Variants in NUDT6 observed in about 807,000 individuals in gnomAD.
NUDT6 encodes FAD diphosphatase NUDT6.
In NUDT6, 24 loss-of-function variants were observed where a neutral mutation model predicts 36.8. That is an observed-to-expected ratio of 0.65 (90% CI 0.47 to 0.92). The LOEUF is 0.92. Among genes scored for constraint, NUDT6 ranks in the 40% least tolerant of loss-of-function variants. NUDT6 has a pLI of 0.00. For missense variants in NUDT6, 388 were observed against 392.8 expected (o/e 0.99, Z 0.10); for synonymous variants, 163 against 157.0 (o/e 1.04, Z -0.29).
chr4:122,892,992 T>C lies in NUDT6; in HGVS notation c.787A>G (p.Ile263Val). 6.2e-7 allele frequency: 1 copy of C among 1,614,154 alleles called. No homozygotes were observed. Among genetic ancestry groups the C allele is most frequent in the Non-Finnish European group, 8.5e-7 (1 of 1,180,026 alleles). The change falls in exon 5 of 5, where the codon ATC (isoleucine) becomes GTC (valine). Residue 263 changes from isoleucine (I) to valine (V), a missense_variant. Ile to Val is a conservative substitution (Grantham distance 29). Transcript: ENST00000304430. ...DLAKTENTTP[I>V]TSRVARLLLY... is the part of the protein sequence containing the mutation. Reference sequence around the variant, plus strand: ...AGCAGCCTAGCAACTCTGCTGGTGATGGGAGTTGTATTTTCAGTCTTCGCC... The same window carrying C: ...AGCAGCCTAGCAACTCTGCTGGTGACGGGAGTTGTATTTTCAGTCTTCGCC...
intron 2 of NUDT6, 28 bp from the exon 3 acceptor site, chr4:122,912,651 G>A: frequency 7.3e-7 from 1 of 1,372,838 alleles, no homozygotes; most frequent in South Asian, 1.2e-5. Context: ...AAAGATAATT[G>A]AGAAATATTA....
chr4:122,913,950 T>C (rs1727780214), intron 2 of NUDT6, among the ~76,000 whole-genome samples: 1 of 152,194 alleles, frequency 6.6e-6, no homozygotes, highest in Admixed American at 6.5e-5. Context: ...CTTTCAGTAT[T>C]AACTGAGTTC....
At chr4:122,907,649 A>C (rs1046657988) in intron 3 of NUDT6, among the ~76,000 whole-genome samples, 4 of 151,440 alleles carry the variant, frequency 2.6e-5, no homozygotes, top group Admixed American at 1.3e-4. Context: ...ACAGGGTTTC[A>C]TGTGTTAGCC....
chr4:122,892,799 T>C lies in NUDT6; in HGVS notation c.*29A>G, dbSNP rs1472942037. 9 of 1,525,698 alleles carry C rather than the reference T, an allele frequency of 5.9e-6. No individual in the cohort carries two copies. Among genetic ancestry groups the C allele is most frequent in the African/African-American group, 1.4e-5 (1 of 72,404 alleles). The allele number at this position is 1,525,698 out of a possible 1,614,324, so 94.5% of individuals were successfully genotyped here. A position where few individuals can be genotyped will look rare whatever the true frequency, so the allele number is the denominator to read the frequency against. On this transcript the variant is annotated 3_prime_UTR_variant, in exon 5 of 5. Coordinates refer to ENST00000304430, the MANE Select transcript of NUDT6 (RefSeq NM_007083.5). Reference sequence around the variant, plus strand: ...CTATTTCTTATGTCATTCGTTAGTCTACATGTTTCTAAACATATAAATGTG... The same window carrying C: ...CTATTTCTTATGTCATTCGTTAGTCCACATGTTTCTAAACATATAAATGTG...
chr4:122,922,554 A>G lies in NUDT6; in HGVS notation c.19T>C (p.Trp7Arg), dbSNP rs565048284. Residue 7 changes from tryptophan (W) to arginine (R), a missense_variant, in exon 1 of 5, where the codon TGG becomes CGG. Physicochemically the swap from Trp to Arg is moderately radical, Grantham distance 101 (BLOSUM62 -3). Transcript: ENST00000304430. MRQPLS[W>R]GRWRAMLART... The stretch of plus-strand genomic sequence containing the variant: ...GCAAGCATCGCGCGCCAGCGGCCCC[A>G]GCTCAGTGGCTGCCGCATCTCCACG... 2 of 1,600,558 alleles carry G rather than the reference A, an allele frequency of 1.2e-6. No individual in the cohort carries two copies. Among genetic ancestry groups the G allele is most frequent in the South Asian group, 2.2e-5 (2 of 90,738 alleles).
At chr4:122,896,095 C>G (rs1727341664) in intron 4 of NUDT6, 1 of 152,418 alleles carries the variant, frequency 6.6e-6, no homozygotes. Flanking sequence ...TGGCTAATGC[C>G]AACGGCAGTT....
In NUDT6 at chr4:122,892,961, T is replaced by A; in HGVS notation, c.818A>T (p.Tyr273Phe). The part of the protein sequence containing the change: ...ITSRVARLLL[Y>F]GYREGFDKID... The stretch of plus-strand genomic sequence containing the variant: ...TTTGTCAAACCCTTCTCTGTACCCA[T>A]ACAGCAGCAGCCTAGCAACTCTGCT... The change falls in exon 5 of 5, where the codon TAT (tyrosine) becomes TTT (phenylalanine). Residue 273 changes from tyrosine (Y) to phenylalanine (F), a missense_variant. By Grantham distance (22) the Tyr-to-Phe change is conservative (BLOSUM62 3). Transcript: ENST00000304430. 1 of 1,614,202 alleles carries A rather than the reference T, an allele frequency of 6.2e-7. No individual in the cohort carries two copies. The highest frequency in any genetic ancestry group is 8.5e-7 in the Non-Finnish European group (1 of 1,180,028).
intron 3 of NUDT6, among the ~76,000 whole-genome samples, chr4:122,909,057 C>T (rs375420637): frequency 2.0e-5 from 3 of 149,202 alleles, no homozygotes; most frequent in East Asian, 2.1e-4. Flanking sequence ...ATCATCTCCC[C>T]GCCATCCCAG....
In NUDT6 at chr4:122,892,814, A is replaced by G. The variant is rs1409656208; in HGVS notation, c.*14T>C. On this transcript the variant is annotated 3_prime_UTR_variant, in exon 5 of 5. Transcript: ENST00000304430. The stretch of plus-strand genomic sequence containing the variant: ...TTCGTTAGTCTACATGTTTCTAAAC[A>G]TATAAATGTGAATTTAATCAATTCC... 1 of 1,573,238 alleles carries G rather than the reference A, an allele frequency of 6.4e-7. No homozygotes were observed. The highest frequency in any genetic ancestry group is 8.7e-7 in the Non-Finnish European group (1 of 1,154,126).
chr4:122,895,653 G>T (rs1727327125), intron 4 of NUDT6: 1 of 152,012 alleles, frequency 6.6e-6, no homozygotes, highest in Non-Finnish European at 1.5e-5. Context: ...TACTCTTAGG[G>T]TATTATTTTA....
At position 122,915,487 on chromosome 4, in the gene NUDT6, A is replaced by AAAAAAAAC. The variant is rs1560773929; in HGVS notation, c.442+2013_442+2014insGTTTTTTT. ...CCTGCCTCAAAAAAAAAAAAAAAAA[A>AAAAAAAAC]AAAAAAAAAAACAACTCTGCACCTT... is the stretch of plus-strand genomic sequence containing the variant. On this transcript the variant is annotated intron_variant, in intron 2 of 4. Coordinates refer to ENST00000304430, the MANE Select transcript of NUDT6 (RefSeq NM_007083.5). Among the ~76,000 whole-genome samples the AAAAAAAAC allele has an allele frequency of 4.8e-3, 674 of 139,506 alleles. 15 individuals carry two copies. Among genetic ancestry groups the AAAAAAAAC allele is most frequent in the African/African-American group, 0.017 (633 of 37,478 alleles). The allele number at this position is 139,506 out of a possible 152,430, so 91.5% of individuals were successfully genotyped here.
intron 2 of NUDT6, among the ~76,000 whole-genome samples, chr4:122,915,911 C>T (rs565867714): frequency 6.6e-6 from 1 of 152,146 alleles, no homozygotes; most frequent in Non-Finnish European, 1.5e-5. Flanking sequence ...ATTAGGCATT[C>T]TTGAACAACT....
intron 3 of NUDT6, among the ~76,000 whole-genome samples, chr4:122,904,662 G>T (rs536598842): frequency 6.6e-6 from 1 of 152,148 alleles, no homozygotes; most frequent in Admixed American, 6.5e-5. Flanking sequence ...TATCATGTTG[G>T]CCAGGCTGGT....
chr4:122,916,224 T>C (rs950052545), intron 2 of NUDT6, among the ~76,000 whole-genome samples: 3 of 152,170 alleles, frequency 2.0e-5, no homozygotes, highest in African/African-American at 7.2e-5. Context: ...GGCCCAGCAA[T>C]CTGTTTTAAG....
At chr4:122,913,012 A>C (rs1281662962) in intron 2 of NUDT6, among the ~76,000 whole-genome samples, 3 of 152,220 alleles carry the variant, frequency 2.0e-5, no homozygotes, top group Admixed American at 2.0e-4. Context: ...ATTTTCCACT[A>C]GTGGCATCAT....
intron 2 of NUDT6, among the ~76,000 whole-genome samples, chr4:122,912,892 TATACTC>T (rs1334105889): frequency 8.5e-5 from 13 of 152,240 alleles, no homozygotes; most frequent in Admixed American, 4.6e-4. Context: ...ATATACACCT[TATACTC>T]ATAGCCTGAA....
chr4:122,908,848 G>T (rs1727675058), intron 3 of NUDT6, among the ~76,000 whole-genome samples: 1 of 152,002 alleles, frequency 6.6e-6, no homozygotes, highest in South Asian at 2.1e-4. Flanking sequence ...ACTTTTAAAG[G>T]ACCAACTGCT....
upstream of NUDT6, chr4:122,922,678 G>C: frequency 1.0e-6 from 1 of 976,364 alleles, no homozygotes; most frequent in African/African-American, 1.6e-5. Flanking sequence ...CCTCAGAGTT[G>C]AGCTGGGGTT....
At chr4:122,910,287 AC>A in intron 3 of NUDT6, among the ~76,000 whole-genome samples, 1 of 76,834 alleles carries the variant, frequency 1.3e-5, no homozygotes, top group African/African-American at 3.0e-5. Flanking sequence ...TTATAAAGAA[AC>A]AAAAAAATCT....
Sources: allele counts gnomAD v4.1 joint callset (sites outside exome capture counted in the v4.1 genomes callset), GRCh38; gene constraint gnomAD v4.1.1; transcripts MANE v1.5; gene names NCBI Gene and HGNC (gene_info 2026-07-23, HGNC 2026-07-21).